Variants in PARD3 observed in about 807,000 individuals in gnomAD.
The protein encoded by PARD3 is par-3 family cell polarity regulator.
A neutral mutation model predicts 155.4 loss-of-function variants in PARD3; 75 were observed. The ratio of observed to expected loss-of-function variants is 0.48; its 90% confidence interval spans 0.40 to 0.58. The LOEUF is 0.58. Among genes scored for constraint, PARD3 ranks in the 20% least tolerant of loss-of-function variants. PARD3 has a pLI of 0.00. For synonymous variants in PARD3, 576 were observed against 610.5 expected (o/e 0.94, Z 0.83); for missense variants, 1,642 against 1,721.7 (o/e 0.95, Z 0.82).
chr10:34,723,923 G>GT lies in PARD3; in HGVS notation c.121-27505dup, dbSNP rs544601944. On this transcript the variant is annotated intron_variant, in intron 1 of 24. Transcript: ENST00000374788. Reference sequence around the variant, plus strand: ...GGAGCTGGGCTCCTTTCACTTTCCAGTTTGAGTTCTCGTCTACACTTCACT... The same window carrying GT: ...GGAGCTGGGCTCCTTTCACTTTCCAGTTTTGAGTTCTCGTCTACACTTCACT... Among the ~76,000 whole-genome samples the GT allele has an allele frequency of 1.9e-3, 284 of 152,236 alleles. 1 individual carries two copies. The highest frequency in any genetic ancestry group is 6.5e-3 in the African/African-American group (269 of 41,548).
At chr10:34,146,303 C>T (rs992527775) in intron 22 of PARD3, among the ~76,000 whole-genome samples, 3 of 151,844 alleles carry the variant, frequency 2.0e-5, no homozygotes, top group African/African-American at 2.4e-5. Context: ...TTTAAGTAGA[C>T]GAAAGACATG....
intron 22 of PARD3, among the ~76,000 whole-genome samples, chr10:34,236,645 C>T (rs1953251262): frequency 6.6e-6 from 1 of 152,110 alleles, no homozygotes; most frequent in Admixed American, 6.6e-5. Context: ...AAGGAACAGA[C>T]CTAGACCCAT....
At chr10:34,606,156 ATGTGTGTG>A (rs59792013) in intron 2 of PARD3, among the ~76,000 whole-genome samples, 3,078 of 126,422 alleles carry the variant, frequency 0.024, 49 homozygotes, top group Non-Finnish European at 0.033. Context: ...ATAAAGGGAA[ATGTGTGTG>A]TGTGTGTGTG....
intron 3 of PARD3, among the ~76,000 whole-genome samples, chr10:34,479,537 C>T (rs770830153): frequency 3.9e-5 from 6 of 152,090 alleles, no homozygotes; most frequent in African/African-American, 7.2e-5. Flanking sequence ...CAAGGCCTGC[C>T]GCAATCGAGA....
At chr10:34,461,488 C>A (rs1189754905) in intron 4 of PARD3, among the ~76,000 whole-genome samples, 5 of 152,060 alleles carry the variant, frequency 3.3e-5, no homozygotes, top group African/African-American at 1.2e-4. Flanking sequence ...CGCCTGTAAT[C>A]CCAGCTACTG....
chr10:34,296,378 G>A (rs1355478580), intron 20 of PARD3, among the ~76,000 whole-genome samples: 3 of 151,684 alleles, frequency 2.0e-5, no homozygotes, highest in South Asian at 2.1e-4. Context: ...CTATAGGCAC[G>A]TACCACCACA....
intron 15 of PARD3, chr10:34,346,248 A>T (rs1388951681): frequency 8.7e-7 from 1 of 1,149,318 alleles, no homozygotes; most frequent in East Asian, 6.6e-5. Flanking sequence ...TCGGGGCAAC[A>T]GACTAGGAAG....
At chr10:34,547,253 C>T (rs1290933406) in intron 2 of PARD3, among the ~76,000 whole-genome samples, 1 of 152,220 alleles carries the variant, frequency 6.6e-6, no homozygotes, top group Non-Finnish European at 1.5e-5. Context: ...AACTGGATTA[C>T]TTACTGTGCT....
At chr10:34,179,168 GCACACACACA>G (rs72378504) in intron 22 of PARD3, among the ~76,000 whole-genome samples, 5 of 94,578 alleles carry the variant, frequency 5.3e-5, no homozygotes, top group East Asian at 2.9e-4. Context: ...GTGCGTGCGC[GCACACACACA>G]CACACACACA....
At chr10:34,393,623 G>A (rs1180060414) in intron 7 of PARD3, among the ~76,000 whole-genome samples, 2 of 151,552 alleles carry the variant, frequency 1.3e-5, no homozygotes, top group South Asian at 2.1e-4. Flanking sequence ...AGGTACAGCC[G>A]CTCACACCTG....
intron 4 of PARD3, 76 bp downstream of exon 4, chr10:34,470,009 A>C: frequency 8.1e-7 from 1 of 1,239,692 alleles, no homozygotes; most frequent in South Asian, 1.7e-5. Flanking sequence ...TGGTTTACCC[A>C]AGACACGACA....
At chr10:34,503,218 T>C (rs1363233025) in intron 3 of PARD3, among the ~76,000 whole-genome samples, 4 of 152,238 alleles carry the variant, frequency 2.6e-5, no homozygotes, top group Admixed American at 2.6e-4. Context: ...ACAAATTCTG[T>C]ATTTAAAATA....
chr10:34,281,145 A>T, intron 21 of PARD3, among the ~76,000 whole-genome samples: 1 of 152,164 alleles, frequency 6.6e-6, no homozygotes, highest in East Asian at 1.9e-4. Flanking sequence ...TACGTAGATC[A>T]CTTAATTGGA....
At chr10:34,307,959 A>C (rs1005637418) in intron 20 of PARD3, among the ~76,000 whole-genome samples, 2 of 152,136 alleles carry the variant, frequency 1.3e-5, no homozygotes, top group Non-Finnish European at 2.9e-5. Flanking sequence ...GGTGAGAGGG[A>C]GCAGAGTTTG....
intron 16 of PARD3, among the ~76,000 whole-genome samples, chr10:34,337,916 T>C (rs1198204736): frequency 1.3e-5 from 2 of 152,262 alleles, no homozygotes; most frequent in Non-Finnish European, 2.9e-5. Flanking sequence ...AAAAATGCCA[T>C]TATGGCATGC....
chr10:34,654,201 T>C (rs2093100749), intron 2 of PARD3, among the ~76,000 whole-genome samples: 3 of 151,144 alleles, frequency 2.0e-5, no homozygotes, highest in East Asian at 1.9e-4. Context: ...AAAGAACTAC[T>C]GTAAACATTA....
chr10:34,550,739 C>T (rs1204888523), intron 2 of PARD3, among the ~76,000 whole-genome samples: 1 of 152,168 alleles, frequency 6.6e-6, no homozygotes, highest in Non-Finnish European at 1.5e-5. Context: ...AATCGTTGTG[C>T]TCTTTTAACT....
chr10:34,386,582 G>A (rs1842367680), intron 7 of PARD3, among the ~76,000 whole-genome samples: 2 of 152,088 alleles, frequency 1.3e-5, no homozygotes, highest in African/African-American at 2.4e-5. Context: ...CAGCACTTTG[G>A]AAGGCTGAGG....
chr10:34,483,482 C>CA (rs35352038), intron 3 of PARD3, among the ~76,000 whole-genome samples: 2,842 of 50,244 alleles, frequency 0.057, 121 homozygotes, highest in African/African-American at 0.15. Flanking sequence ...ACTCTGTCAC[C>CA]AAAAAAAAAA....
Sources: gnomAD v4.1 joint callset for allele counts (sites outside exome capture counted in the v4.1 genomes callset) on GRCh38, gnomAD v4.1.1 for gene constraint, MANE v1.5 for transcripts, NCBI Gene and HGNC (gene_info 2026-07-23, HGNC 2026-07-21) for gene names.